Variants in ZFHX3 observed in about 807,000 individuals in gnomAD.
ZFHX3 encodes zinc finger homeobox 3.
In ZFHX3, 42 loss-of-function variants were observed where a neutral mutation model predicts 279.1. That is an observed-to-expected ratio of 0.15 (90% CI 0.12 to 0.19). ZFHX3 has a LOEUF of 0.19. Among genes scored for constraint, ZFHX3 ranks in the 10% least tolerant of loss-of-function variants. The pLI is 1.00. For missense variants in ZFHX3, 4,981 were observed against 4,754.0 expected (o/e 1.05, Z -1.40); for synonymous variants, 2,293 against 1,957.8 (o/e 1.17, Z -4.52).
At position 72,959,084 on chromosome 16, in the gene ZFHX3, T is replaced by C. The variant is rs746305805; in HGVS notation, c.1062A>G (p.Thr354=). Residue 354 remains threonine (T), a synonymous_variant, in exon 2 of 10, where the codon ACA becomes ACG. Transcript: ENST00000268489. The stretch of plus-strand genomic sequence containing the variant: ...TGTGTCCGGGGCCTATGAGGTTAGC[T>C]GTGGAAACTAAAGGGTGTTGAAAGT... ...NKNFQHPLVS[T]ANLIGPGHSF... 8.7e-6 allele frequency: 14 copies of C among 1,614,216 alleles called. 1 individual carries two copies. In the South Asian group the frequency reaches 1.1e-4, roughly 13 times the overall value.
At chr16:73,535,431 A>C (rs928969478) in intron 2 of ZFHX3, among the ~76,000 whole-genome samples, 1 of 152,216 alleles carries the variant, frequency 6.6e-6, no homozygotes, top group African/African-American at 2.4e-5. Context: ...CTGAGTGGCT[A>C]TCTGACCCAA....
chr16:73,118,282 C>A (rs552882392), intron 7 of ZFHX3, among the ~76,000 whole-genome samples: 49 of 152,184 alleles, frequency 3.2e-4, no homozygotes, highest in Non-Finnish European at 5.9e-5. Flanking sequence ...AATTTCGGCT[C>A]GCTGCAACCT....
chr16:72,915,699 G>C (rs768417600), intron 3 of ZFHX3, among the ~76,000 whole-genome samples: 2 of 151,948 alleles, frequency 1.3e-5, no homozygotes, highest in Non-Finnish European at 2.9e-5. Flanking sequence ...AGAGGTCAAG[G>C]CTCCAGTGAG....
intron 2 of ZFHX3, among the ~76,000 whole-genome samples, chr16:73,652,229 T>G (rs1441263055): frequency 6.6e-6 from 1 of 152,202 alleles, no homozygotes; most frequent in Admixed American, 6.5e-5. Flanking sequence ...CTCCCACATG[T>G]GGGCAGGAGC....
chr16:73,179,275 C>T (rs542383292), intron 5 of ZFHX3, among the ~76,000 whole-genome samples: 1 of 152,152 alleles, frequency 6.6e-6, no homozygotes, highest in Admixed American at 6.5e-5. Context: ...ATCCTGTCCT[C>T]TGACATCAAA....
intron 7 of ZFHX3, among the ~76,000 whole-genome samples, chr16:73,130,057 G>A (rs1300411724): frequency 2.0e-5 from 3 of 152,110 alleles, no homozygotes; most frequent in Admixed American, 6.5e-5. Flanking sequence ...GTTTCTTAGG[G>A]CATGGACCTA....
intron 4 of ZFHX3, among the ~76,000 whole-genome samples, chr16:72,871,804 G>C (rs1431440938): frequency 6.6e-6 from 1 of 151,790 alleles, no homozygotes; most frequent in African/African-American, 2.4e-5. Flanking sequence ...TTAAGGAATT[G>C]GCTGGGCGCG....
At chr16:73,265,120 T>C (rs2013940138) in intron 4 of ZFHX3, among the ~76,000 whole-genome samples, 1 of 151,688 alleles carries the variant, frequency 6.6e-6, no homozygotes, top group South Asian at 2.1e-4. Flanking sequence ...TATATAACAG[T>C]TTATCTACTT....
At chr16:72,960,606 C>G (rs938066327) in intron 1 of ZFHX3, among the ~76,000 whole-genome samples, 2 of 152,140 alleles carry the variant, frequency 1.3e-5, no homozygotes, top group Admixed American at 6.5e-5. Flanking sequence ...ACAGCTCACA[C>G]GAAGTCAGCC....
chr16:73,011,931 A>G (rs530692730), intron 1 of ZFHX3, among the ~76,000 whole-genome samples: 1 of 152,278 alleles, frequency 6.6e-6, no homozygotes, highest in Non-Finnish European at 1.5e-5. Context: ...CGAGGGGTAG[A>G]AGCTGACTTC....
chr16:73,769,722 G>A (rs111382648), intron 1 of ZFHX3, among the ~76,000 whole-genome samples: 29 of 151,974 alleles, frequency 1.9e-4, no homozygotes, highest in Non-Finnish European at 2.9e-4. Flanking sequence ...ATTTTTTGCC[G>A]GAGATTTGTT....
intron 3 of ZFHX3, among the ~76,000 whole-genome samples, chr16:72,928,359 G>A (rs908293680): frequency 4.6e-5 from 7 of 152,004 alleles, no homozygotes; most frequent in Non-Finnish European, 7.4e-5. Context: ...AGTTGCTGTT[G>A]TACCCCTGAT....
chr16:73,033,857 T>C lies in ZFHX3; in HGVS notation c.-50+13895A>G, dbSNP rs374972783. 2.5e-4 allele frequency among the ~76,000 whole-genome samples: 38 copies of C among 152,306 alleles called. 1 individual carries two copies. The highest frequency in any genetic ancestry group is 8.2e-4 in the African/African-American group (34 of 41,570). ...GCAAAGGAAAATTGTTGTTGTCACA[T>C]GTATTGACCAAGGAACGCTAAGGTC... On this transcript the variant is annotated intron_variant, in intron 1 of 9. Transcript: ENST00000268489.
At chr16:73,228,648 G>A (rs1044423764) in intron 5 of ZFHX3, among the ~76,000 whole-genome samples, 1 of 152,184 alleles carries the variant, frequency 6.6e-6, no homozygotes, top group African/African-American at 2.4e-5. Context: ...GGGTGACAGA[G>A]GGAGACCCTG....
chr16:73,254,518 C>A (rs1218740526), intron 5 of ZFHX3, among the ~76,000 whole-genome samples: 1 of 151,882 alleles, frequency 6.6e-6, no homozygotes, highest in Non-Finnish European at 1.5e-5. Context: ...TCATGGGATT[C>A]TTTTTTGAAA....
At chr16:73,197,794 C>G (rs1274648896) in intron 5 of ZFHX3, among the ~76,000 whole-genome samples, 1 of 152,026 alleles carries the variant, frequency 6.6e-6, no homozygotes, top group Non-Finnish European at 1.5e-5. Flanking sequence ...TGGTTCAAAT[C>G]CCAGTGCTTT....
chr16:72,789,666 G>C (rs1374451372), intron 9 of ZFHX3: 3 of 152,356 alleles, frequency 2.0e-5, no homozygotes, highest in African/African-American at 4.8e-5. Context: ...GGAAGGGCCT[G>C]GGAAGAAATA....
chr16:72,903,500 C>T, intron 3 of ZFHX3, among the ~76,000 whole-genome samples: 1 of 152,112 alleles, frequency 6.6e-6, no homozygotes, highest in Non-Finnish European at 1.5e-5. Flanking sequence ...TGGAGTTGGA[C>T]CTTTCTGGAT....
At chr16:73,582,865 A>C (rs2051876338) in intron 2 of ZFHX3, among the ~76,000 whole-genome samples, 1 of 151,088 alleles carries the variant, frequency 6.6e-6, no homozygotes, top group African/African-American at 2.5e-5. Flanking sequence ...GTGCTTAAGA[A>C]GCCATATAAA....
Sources: allele counts gnomAD v4.1 joint callset (sites outside exome capture counted in the v4.1 genomes callset), GRCh38; gene constraint gnomAD v4.1.1; transcripts MANE v1.5; gene names NCBI Gene and HGNC (gene_info 2026-07-23, HGNC 2026-07-21).